Variants in SLC2A9 observed in about 807,000 individuals in gnomAD.
The protein encoded by SLC2A9 is solute carrier family 2, facilitated glucose transporter member 9.
Under a neutral mutation model 50.6 loss-of-function variants are expected in SLC2A9, and 39 were observed. The ratio of observed to expected loss-of-function variants is 0.77; its 90% confidence interval spans 0.60 to 1.01. The LOEUF (loss-of-function observed/expected upper bound fraction) is 1.01, where lower values mean the gene tolerates loss of function less well. SLC2A9 is among the 50% of genes least tolerant of loss of function. The probability of loss-of-function intolerance (pLI) is 0.00; values close to 1 mark genes in which losing one functional copy is unlikely to be tolerated. For missense variants in SLC2A9, 686 were observed against 677.6 expected (o/e 1.01, Z -0.14); for synonymous variants, 324 against 276.9 (o/e 1.17, Z -1.69).
chr4:10,001,107 T>G (rs1759713653), intron 2 of SLC2A9, among the ~76,000 whole-genome samples: 1 of 152,158 alleles, frequency 6.6e-6, no homozygotes, highest in Non-Finnish European at 1.5e-5. Context: ...TACTCCAATA[T>G]GACTGGTGTC....
chr4:10,028,610 T>C (rs888195365), intron 1 of SLC2A9, among the ~76,000 whole-genome samples: 4 of 152,150 alleles, frequency 2.6e-5, no homozygotes, highest in African/African-American at 9.7e-5. Context: ...GACTTGTAAA[T>C]TGTAGACTTT....
At chr4:10,037,688 C>T (rs1578396981) in intron 1 of SLC2A9, among the ~76,000 whole-genome samples, 1 of 152,186 alleles carries the variant, frequency 6.6e-6, no homozygotes, top group African/African-American at 2.4e-5. Flanking sequence ...GTGGCTCACA[C>T]CTGTAATCCC....
At chr4:9,802,270 T>C (rs1456803303) in intron 3 of SLC2A9, among the ~76,000 whole-genome samples, 1 of 140,470 alleles carries the variant, frequency 7.1e-6, no homozygotes, top group Non-Finnish European at 1.5e-5. Context: ...AAAATGCTCT[T>C]TTTTTTTTTT....
chr4:10,010,565 G>T (rs1761595145), intron 2 of SLC2A9, among the ~76,000 whole-genome samples: 1 of 152,172 alleles, frequency 6.6e-6, no homozygotes, highest in South Asian at 2.1e-4. Context: ...TTAGCATCAG[G>T]AGTCATGGCG....
At chr4:9,923,238 G>C (rs1744252427) in intron 6 of SLC2A9, among the ~76,000 whole-genome samples, 1 of 152,218 alleles carries the variant, frequency 6.6e-6, no homozygotes, top group Admixed American at 6.5e-5. Flanking sequence ...GGAAAAGCAA[G>C]AGACATTCTG....
chr4:9,887,334 G>T (rs1261021283), intron 10 of SLC2A9, among the ~76,000 whole-genome samples: 1 of 152,218 alleles, frequency 6.6e-6, no homozygotes, highest in African/African-American at 2.4e-5. Context: ...GCTGTGTGGT[G>T]GGAAATTATC....
chr4:10,026,067 G>T, upstream of SLC2A9: 1 of 1,265,136 alleles, frequency 7.9e-7, no homozygotes, highest in Non-Finnish European at 1.2e-6. Flanking sequence ...TGCAAGTCAG[G>T]GGAGGTGGCC....
chr4:9,911,631 G>T lies in SLC2A9; in HGVS notation c.1003-3286C>A, dbSNP rs532953106. ...CTGGAGGCATAGAGTGGGGATTCTA[G>T]CCCCAGCACTGTCTCTCATGACCTG... On this transcript the variant is annotated intron_variant, in intron 7 of 11. Transcript: ENST00000264784. Among the ~76,000 whole-genome samples the T allele has an allele frequency of 2.6e-5, 4 of 152,310 alleles. No homozygotes were observed. The South Asian group carries it at 6.2e-4, about 24-fold the overall frequency.
intron 6 of SLC2A9, among the ~76,000 whole-genome samples, chr4:9,937,725 C>G (rs1413481847): frequency 6.6e-6 from 1 of 152,224 alleles, no homozygotes; most frequent in African/African-American, 2.4e-5. Flanking sequence ...AGCTGAGGGC[C>G]TCCAGGTAAG....
chr4:10,015,274 G>A (rs1262756699), intron 2 of SLC2A9, among the ~76,000 whole-genome samples: 1 of 152,176 alleles, frequency 6.6e-6, no homozygotes, highest in East Asian at 1.9e-4. Context: ...CCCCATGGCT[G>A]GACTGTTGGC....
At chr4:9,852,314 G>A (rs1250647858) in intron 10 of SLC2A9, among the ~76,000 whole-genome samples, 10 of 151,050 alleles carry the variant, frequency 6.6e-5, no homozygotes, top group South Asian at 2.1e-4. Flanking sequence ...CTGCAGTGGC[G>A]CAATCTCGGC....
intron 8 of SLC2A9, among the ~76,000 whole-genome samples, chr4:9,891,924 T>C (rs1737524724): frequency 6.6e-6 from 1 of 152,206 alleles, no homozygotes; most frequent in African/African-American, 2.4e-5. Flanking sequence ...GGCTCCTGCC[T>C]GCCAGCTTCA....
intron 10 of SLC2A9, among the ~76,000 whole-genome samples, chr4:9,839,519 T>C (rs748750863): frequency 2.6e-5 from 4 of 151,966 alleles, no homozygotes; most frequent in Non-Finnish European, 4.4e-5. Context: ...CAAAGATACA[T>C]GCATGTGTAT....
intron 1 of SLC2A9, among the ~76,000 whole-genome samples, chr4:9,772,817 T>A (rs576713400): frequency 1.3e-3 from 79 of 61,218 alleles, no homozygotes; most frequent in African/African-American, 3.0e-3. Context: ...CATTTTATTT[T>A]TTTTTTTATT....
chr4:9,998,735 G>A (rs868014791), intron 2 of SLC2A9, among the ~76,000 whole-genome samples: 6 of 152,134 alleles, frequency 3.9e-5, no homozygotes, highest in Admixed American at 1.3e-4. Context: ...AACTCCAGAC[G>A]AGAAACAGCC....
At chr4:9,790,286 C>G (rs1165588789) in intron 3 of SLC2A9, among the ~76,000 whole-genome samples, 1 of 152,192 alleles carries the variant, frequency 6.6e-6, no homozygotes, top group Non-Finnish European at 1.5e-5. Context: ...TAAATTCCCT[C>G]TCCATCTTGG....
intron 3 of SLC2A9, among the ~76,000 whole-genome samples, chr4:9,806,010 G>A (rs1168808109): frequency 6.6e-5 from 10 of 152,182 alleles, no homozygotes; most frequent in Non-Finnish European, 1.5e-4. Context: ...AGGCTCTCTG[G>A]CTCCAGGGAT....
intron 8 of SLC2A9, among the ~76,000 whole-genome samples, chr4:9,895,469 A>T (rs1343165554): frequency 1.3e-5 from 2 of 152,260 alleles, no homozygotes; most frequent in Non-Finnish European, 2.9e-5. Context: ...ACATTAACTC[A>T]GACGAACAGC....
intron 10 of SLC2A9, chr4:9,880,457 C>A: frequency 2.0e-6 from 2 of 985,204 alleles, no homozygotes; most frequent in Non-Finnish European, 2.4e-6. Context: ...CCTGGAAATG[C>A]AGCATGTTCT....
Sources: allele counts gnomAD v4.1 joint callset (sites outside exome capture counted in the v4.1 genomes callset), GRCh38; gene constraint gnomAD v4.1.1; transcripts MANE v1.5; gene names NCBI Gene and HGNC (gene_info 2026-07-23, HGNC 2026-07-21).